SYCP1: variants seen among roughly 807,000 people sequenced by gnomAD.
The protein encoded by SYCP1 is synaptonemal complex protein 1, also known as cancer/testis antigen 8.
A neutral mutation model predicts 153.1 loss-of-function variants in SYCP1; 64 were observed. The observed-to-expected ratio is 0.42, with a 90% confidence interval of 0.34 to 0.51. The LOEUF is 0.51. Among genes scored for constraint, SYCP1 ranks in the 20% least tolerant of loss-of-function variants. The pLI is 0.06. For missense variants in SYCP1, 997 were observed against 1,049.0 expected (o/e 0.95, Z 0.68); for synonymous variants, 384 against 341.8 (o/e 1.12, Z -1.36).
intron 23 of SYCP1, among the ~76,000 whole-genome samples, chr1:114,928,638 A>G (rs1669417395): frequency 6.6e-6 from 1 of 152,220 alleles, no homozygotes; most frequent in Non-Finnish European, 1.5e-5. Flanking sequence ...TGGCTGCTTA[A>G]AGGAAAACAA....
intron 27 of SYCP1, among the ~76,000 whole-genome samples, chr1:114,961,812 C>G (rs1488009627): frequency 2.0e-5 from 3 of 151,986 alleles, no homozygotes; most frequent in Non-Finnish European, 2.9e-5. Flanking sequence ...AATGTATATT[C>G]TGCAGTTGTT....
intron 27 of SYCP1, among the ~76,000 whole-genome samples, chr1:114,953,078 A>G (rs74758677): frequency 0.031 from 4,777 of 152,300 alleles, 125 homozygotes; most frequent in Non-Finnish European, 0.042. Context: ...AGGGCCAAAC[A>G]TGTCTTTTTA....
Position 114,856,559 on chromosome 1 carries a change from C to T in SYCP1, c.109-14C>T, listed in dbSNP as rs531456142. ...TATGAAACAGAATATTTAAGAACTT[C>T]TTTGTGTCTCTAGAGTTTCAACAAA... is the stretch of plus-strand genomic sequence containing the variant. On this transcript the variant is annotated splice_polypyrimidine_tract_variant and intron_variant, in intron 2 of 31. Coordinates refer to ENST00000369522, the MANE Select transcript of SYCP1 (RefSeq NM_003176.4). 1 of 1,594,588 alleles carries T rather than the reference C, an allele frequency of 6.3e-7. No individual in the cohort carries two copies. Among genetic ancestry groups the T allele is most frequent in the African/African-American group, 1.3e-5 (1 of 74,340 alleles).
intron 27 of SYCP1, among the ~76,000 whole-genome samples, chr1:114,954,098 G>T (rs1192147776): frequency 6.6e-6 from 1 of 151,962 alleles, no homozygotes; most frequent in Non-Finnish European, 1.5e-5. Flanking sequence ...AATAGTAATT[G>T]TGTACATTTA....
chr1:114,986,785 C>T (rs965496880), intron 30 of SYCP1, among the ~76,000 whole-genome samples: 2 of 151,988 alleles, frequency 1.3e-5, no homozygotes. Flanking sequence ...CAGAAACTGT[C>T]TGAAGTAACT....
intron 16 of SYCP1, among the ~76,000 whole-genome samples, chr1:114,905,273 G>A (rs188991003): frequency 4.7e-4 from 71 of 152,296 alleles, no homozygotes; most frequent in African/African-American, 1.6e-3. Context: ...CTTAGAGGCT[G>A]AAGAAAGAGG....
intron 5 of SYCP1, among the ~76,000 whole-genome samples, chr1:114,858,309 G>T (rs1664150924): frequency 6.6e-6 from 1 of 152,044 alleles, no homozygotes; most frequent in African/African-American, 2.4e-5. Flanking sequence ...TTTTTATGGA[G>T]CCATTTCATT....
At chr1:114,957,481 G>A (rs1049190615) in intron 27 of SYCP1, among the ~76,000 whole-genome samples, 1 of 152,136 alleles carries the variant, frequency 6.6e-6, no homozygotes, top group Admixed American at 6.6e-5. Context: ...CACAGCAAAG[G>A]AAACAGCAAA....
At chr1:114,958,633 A>T (rs908313755) in intron 27 of SYCP1, among the ~76,000 whole-genome samples, 1 of 151,656 alleles carries the variant, frequency 6.6e-6, no homozygotes. Flanking sequence ...AAAGTTCTTT[A>T]TTTCAGGCCG....
intron 27 of SYCP1, among the ~76,000 whole-genome samples, chr1:114,970,977 T>C (rs1340627381): frequency 2.6e-5 from 4 of 152,210 alleles, no homozygotes; most frequent in African/African-American, 9.7e-5. Flanking sequence ...GATGTTGTTT[T>C]CCCCTTCCTT....
At chr1:114,867,646 G>A (rs904573740) in intron 8 of SYCP1, among the ~76,000 whole-genome samples, 3 of 151,828 alleles carry the variant, frequency 2.0e-5, no homozygotes, top group African/African-American at 7.3e-5. Flanking sequence ...ATTAGTTCCA[G>A]GATTTTTTTT....
chr1:114,953,719 T>C (rs1671254733), intron 27 of SYCP1, among the ~76,000 whole-genome samples: 1 of 152,226 alleles, frequency 6.6e-6, no homozygotes, highest in Admixed American at 6.5e-5. Flanking sequence ...TAATATCAAG[T>C]AAAATGATTC....
At chr1:114,888,844 T>C (rs1372252499) in intron 15 of SYCP1, among the ~76,000 whole-genome samples, 43 of 151,954 alleles carry the variant, frequency 2.8e-4, no homozygotes, top group Non-Finnish European at 1.5e-5. Context: ...CCTAATGCTA[T>C]CCCTCCCCCA....
At chr1:114,886,831 C>T (rs1666343048) in intron 14 of SYCP1, among the ~76,000 whole-genome samples, 1 of 151,862 alleles carries the variant, frequency 6.6e-6, no homozygotes, top group African/African-American at 2.4e-5. Context: ...AATGTGATTA[C>T]ATAAAAAATA....
chr1:114,984,820 CTTTGAA>C lies in SYCP1; in HGVS notation c.2661_2666del (p.Glu887_Phe888del). ...AAAGTAAAAAAAAGAGAAAAATGGC[CTTTGAA>C]TTTGATATTAATTCAGATAGTTCAG... On this transcript the variant is annotated inframe_deletion, in exon 30 of 32. Transcript: ENST00000369522. The C allele has an allele frequency of 6.7e-7, 1 of 1,497,072 alleles. No individual in the cohort carries two copies. The highest frequency in any genetic ancestry group is 8.9e-7 in the Non-Finnish European group (1 of 1,118,490). 92.7% of individuals were successfully genotyped at this position (1,497,072 alleles called of 1,614,324 possible).
intron 21 of SYCP1, among the ~76,000 whole-genome samples, chr1:114,926,023 C>T (rs1021734352): frequency 2.6e-5 from 4 of 151,926 alleles, no homozygotes; most frequent in African/African-American, 9.7e-5. Flanking sequence ...CCTGTAATCC[C>T]AGCACTTTGG....
chr1:114,995,053 A>G lies in SYCP1; in HGVS notation c.*34A>G, dbSNP rs370823325. ...AATCAGTGTAGTTAAGGAGCCTAATAACGTGAAACTTATAGTTAATATTTT... is the reference window on the plus strand; with the variant it reads ...AATCAGTGTAGTTAAGGAGCCTAATGACGTGAAACTTATAGTTAATATTTT... On this transcript the variant is annotated 3_prime_UTR_variant, in exon 32 of 32. Coordinates refer to ENST00000369522, the MANE Select transcript of SYCP1 (RefSeq NM_003176.4). 1.6e-5 allele frequency: 25 copies of G among 1,539,504 alleles called. No individual in the cohort carries two copies. Among genetic ancestry groups the G allele is most frequent in the Non-Finnish European group, 1.7e-5 (20 of 1,147,732 alleles).
chr1:114,963,299 A>T (rs1671896946), intron 27 of SYCP1, among the ~76,000 whole-genome samples: 1 of 152,204 alleles, frequency 6.6e-6, no homozygotes, highest in African/African-American at 2.4e-5. Context: ...TTCCTGAGGA[A>T]CACAAATTTT....
intron 15 of SYCP1, among the ~76,000 whole-genome samples, chr1:114,891,443 A>C (rs1027352612): frequency 6.6e-6 from 1 of 152,226 alleles, no homozygotes; most frequent in African/African-American, 2.4e-5. Context: ...GAGGCATCTC[A>C]TTGCCTAAGT....
Sources: gnomAD v4.1 joint callset for allele counts (sites outside exome capture counted in the v4.1 genomes callset) on GRCh38, gnomAD v4.1.1 for gene constraint, MANE v1.5 for transcripts, NCBI Gene and HGNC (gene_info 2026-07-23, HGNC 2026-07-21) for gene names.